Variants in CCT3 observed in about 807,000 individuals in gnomAD.
The protein encoded by CCT3 is chaperonin containing TCP1 subunit 3.
Under a neutral mutation model 65.3 loss-of-function variants are expected in CCT3, and 10 were observed. That is an observed-to-expected ratio of 0.15 (90% CI 0.09 to 0.26). CCT3 has a LOEUF of 0.26. Ranked by LOEUF, CCT3 falls within the 10% of genes least tolerant of loss-of-function variation. CCT3 has a pLI of 1.00. For synonymous variants in CCT3, 225 were observed against 242.3 expected, an observed-to-expected ratio of 0.93 and a Z score of 0.66; for missense variants, 626 against 708.7, an observed-to-expected ratio of 0.88 and a Z score of 1.33.
At chr1:156,324,342 C>T (rs1184005096) in intron 6 of CCT3, among the ~76,000 whole-genome samples, 1 of 152,044 alleles carries the variant, frequency 6.6e-6, no homozygotes, top group Non-Finnish European at 1.5e-5. Context: ...GGATTACAGG[C>T]GTGAGCCACC....
At chr1:156,332,687 G>C (rs1381629638) in intron 5 of CCT3, 1 of 152,160 alleles carries the variant, frequency 6.6e-6, no homozygotes, top group Non-Finnish European at 1.5e-5. Context: ...CATTTTTCTT[G>C]ATGATTTCGG....
chr1:156,335,958 G>C, intron 1 of CCT3, 70 bp from the exon 2 acceptor site: 1 of 1,252,862 alleles, frequency 8.0e-7, no homozygotes, highest in African/African-American at 1.5e-5. Context: ...TTATTTCCCC[G>C]TCTTTGAAAA....
chr1:156,313,818 G>A (rs558353420), intron 10 of CCT3, among the ~76,000 whole-genome samples: 119 of 152,258 alleles, frequency 7.8e-4, no homozygotes, highest in African/African-American at 2.7e-3. Flanking sequence ...GGCTGGGCAC[G>A]GTGGCTCATG....
Position 156,320,919 on chromosome 1 carries a change from G to A in CCT3, c.529C>T (p.Leu177=), listed in dbSNP as rs150569089. 4.9e-4 allele frequency: 791 copies of A among 1,613,876 alleles called. 1 individual carries two copies. In the African/African-American group the frequency reaches 9.1e-3, roughly 19 times the overall value. Residue 177 remains leucine, a synonymous_variant, in exon 7 of 14, where the codon CTG becomes TTG. Coordinates refer to ENST00000295688, the MANE Select transcript of CCT3 (RefSeq NM_005998.5). ...RWSSLACNIA[L]DAVKMVQFEE... is the part of the protein sequence containing the mutation. ...AACTGTACCATCTTGACAGCATCCA[G>A]GGCAATGTTGCAAGCCAAAGATGAC... is the stretch of plus-strand genomic sequence containing the variant.
At chr1:156,334,799 T>C (rs1558274868) in intron 3 of CCT3, 24 bp from the exon 4 acceptor site, 7 of 1,613,942 alleles carry the variant, frequency 4.3e-6, no homozygotes, top group Middle Eastern at 1.7e-4. Flanking sequence ...AAAAGTTATA[T>C]TTAAAGTGTC....
intron 10 of CCT3, 40 bp downstream of exon 10, chr1:156,317,126 A>T: frequency 6.5e-7 from 1 of 1,527,618 alleles, no homozygotes; most frequent in Non-Finnish European, 9.1e-7. Context: ...AAAAGGAAAC[A>T]CACGGGAAGA....
At chr1:156,310,146 G>C (rs1274737472) in intron 13 of CCT3, among the ~76,000 whole-genome samples, 1 of 150,250 alleles carries the variant, frequency 6.7e-6, no homozygotes, top group African/African-American at 2.5e-5. Flanking sequence ...TAAAGAGATA[G>C]AATGCCTTGG....
chr1:156,312,337 A>G (rs1664120442), intron 10 of CCT3, 116 bp from the exon 11 acceptor site: 3 of 901,524 alleles, frequency 3.3e-6, no homozygotes, highest in Admixed American at 2.8e-5. Context: ...TGGAAACATC[A>G]CTTAAGAGGT....
intron 10 of CCT3, among the ~76,000 whole-genome samples, chr1:156,313,339 A>C (rs79546912): frequency 8.2e-6 from 1 of 121,504 alleles, no homozygotes; most frequent in Non-Finnish European, 1.7e-5. Flanking sequence ...ATTCTGTCTC[A>C]AAAAAAAAAA....
Position 156,338,241 on chromosome 1 carries a change from G to T in CCT3, c.-57C>A. 4 of 817,088 alleles carry T rather than the reference G, an allele frequency of 4.9e-6. No homozygotes were observed. Among genetic ancestry groups the T allele is most frequent in the East Asian group, 3.9e-5 (1 of 25,710 alleles). The allele number at this position is 817,088 out of a possible 1,614,324, so 50.6% of individuals were successfully genotyped here. On this transcript the variant is annotated 5_prime_UTR_variant, in exon 1 of 14. Coordinates refer to ENST00000295688, the MANE Select transcript of CCT3 (RefSeq NM_005998.5). ...CTGGGGGAACCGGCAGAACCTTCTG[G>T]AGAGAGAGAACCAGACAGAAGCCCA... is the stretch of plus-strand genomic sequence containing the variant.
chr1:156,320,838 C>T lies in CCT3; in HGVS notation c.609+1G>A. 1 of 1,600,412 alleles carries T rather than the reference C, an allele frequency of 6.2e-7. No homozygotes were observed. Among genetic ancestry groups the T allele is most frequent in the Non-Finnish European group, 8.6e-7 (1 of 1,168,238 alleles). On this transcript the variant is annotated splice_donor_variant, in intron 7 of 13. Coordinates refer to ENST00000295688, the MANE Select transcript of CCT3 (RefSeq NM_005998.5). LOFTEE classifies it high-confidence loss of function. The stretch of plus-strand genomic sequence containing the variant: ...CCAATGTATACACTTTGAAAGTTTA[C>T]CTTTTCCACTCTTGCATATTTTTTT...
At chr1:156,319,048 C>T (rs576286122) in intron 7 of CCT3, 31 bp from the exon 8 acceptor site, 1 of 1,556,584 alleles carries the variant, frequency 6.4e-7, no homozygotes, top group Middle Eastern at 1.7e-4. Context: ...CTTTAATCCA[C>T]AATCAAGAGA....
At chr1:156,315,415 G>C (rs1412114737) in intron 10 of CCT3, among the ~76,000 whole-genome samples, 1 of 152,020 alleles carries the variant, frequency 6.6e-6, no homozygotes, top group Non-Finnish European at 1.5e-5. Flanking sequence ...CACCATGTTG[G>C]CCAGGCTGGT....
At chr1:156,314,110 C>G (rs1343457936) in intron 10 of CCT3, among the ~76,000 whole-genome samples, 3 of 142,174 alleles carry the variant, frequency 2.1e-5, no homozygotes, top group Admixed American at 2.1e-4. Context: ...AAAAAGTCAA[C>G]ATTATGAAAG....
At chr1:156,314,131 C>A (rs999222113) in intron 10 of CCT3, among the ~76,000 whole-genome samples, 1 of 144,950 alleles carries the variant, frequency 6.9e-6, no homozygotes, top group Non-Finnish European at 1.5e-5. Flanking sequence ...AGAACCCCAA[C>A]AAAGAGAACA....
At chr1:156,333,825 T>A (rs1019674254) in intron 4 of CCT3, among the ~76,000 whole-genome samples, 182 bp from the exon 5 acceptor site, 1 of 152,226 alleles carries the variant, frequency 6.6e-6, no homozygotes, top group African/African-American at 2.4e-5. Context: ...TTCCAAATCC[T>A]TTTTGGGAAA....
intron 4 of CCT3, 41 bp from the exon 5 acceptor site, chr1:156,333,684 AC>A: frequency 6.9e-7 from 1 of 1,455,252 alleles, no homozygotes; most frequent in Non-Finnish European, 9.6e-7. Flanking sequence ...CTATTCAAAG[AC>A]CTCTGAACTC....
intron 5 of CCT3, among the ~76,000 whole-genome samples, chr1:156,331,410 C>G (rs533311420): frequency 2.0e-5 from 3 of 152,110 alleles, no homozygotes; most frequent in African/African-American, 7.2e-5. Context: ...TGGCTGGGCG[C>G]AGTGGCTCAC....
chr1:156,334,497 A>G (rs761510259), intron 4 of CCT3, among the ~76,000 whole-genome samples: 2 of 152,184 alleles, frequency 1.3e-5, no homozygotes, highest in Non-Finnish European at 2.9e-5. Flanking sequence ...GTTCTTCCCT[A>G]GAGACTTCAG....
Sources: allele counts gnomAD v4.1 joint callset (sites outside exome capture counted in the v4.1 genomes callset), GRCh38; gene constraint gnomAD v4.1.1; transcripts MANE v1.5; gene names NCBI Gene and HGNC (gene_info 2026-07-23, HGNC 2026-07-21).